Variants in DTX2 observed in about 807,000 individuals in gnomAD.
DTX2 encodes the protein deltex E3 ubiquitin ligase 2.
DTX2 carries 29 observed loss-of-function variants against 55.3 expected under a neutral mutation model. That is an observed-to-expected ratio of 0.52 (90% CI 0.39 to 0.71). The LOEUF (loss-of-function observed/expected upper bound fraction) is 0.71. Among genes scored for constraint, DTX2 ranks in the 30% least tolerant of loss-of-function variants. The pLI is 0.00. For missense variants in DTX2, 537 were observed against 822.5 expected (o/e 0.65, Z 4.25); for synonymous variants, 276 against 340.4 (o/e 0.81, Z 2.08).
intron 2 of DTX2, chr7:76,470,027 T>C (rs1417955288): frequency 3.8e-5 from 7 of 183,350 alleles, no homozygotes; most frequent in African/African-American, 1.5e-4. Flanking sequence ...TATTCATTTA[T>C]TTATTTATTT....
intron 4 of DTX2, among the ~76,000 whole-genome samples, chr7:76,489,874 A>G (rs1810238071): frequency 7.2e-6 from 1 of 139,502 alleles, no homozygotes; most frequent in Non-Finnish European, 1.6e-5. Flanking sequence ...TGTAGGGAAC[A>G]AAACCCTCAT....
intron 4 of DTX2, among the ~76,000 whole-genome samples, chr7:76,491,221 C>T (rs1810396758): frequency 1.3e-5 from 2 of 151,514 alleles, no homozygotes; most frequent in Non-Finnish European, 2.9e-5. Context: ...TGGTCTTGAA[C>T]TCCTGACCTC....
intron 2 of DTX2, among the ~76,000 whole-genome samples, chr7:76,469,588 T>C (rs892535001): frequency 4.7e-5 from 7 of 149,394 alleles, no homozygotes; most frequent in Non-Finnish European, 1.0e-4. Context: ...AGAGACAGGG[T>C]TTCACTGCAT....
chr7:76,469,500 C>G (rs1326028556), intron 2 of DTX2, among the ~76,000 whole-genome samples: 1 of 145,562 alleles, frequency 6.9e-6, no homozygotes, highest in Admixed American at 7.1e-5. Context: ...TCAAGCAATT[C>G]TCCTGCCTCA....
At chr7:76,499,130 A>T in intron 6 of DTX2, among the ~76,000 whole-genome samples, 1 of 2,294 alleles carries the variant, frequency 4.4e-4, no homozygotes, top group Non-Finnish European at 6.8e-4. Context: ...TGTGGGGTGT[A>T]TGGAGGTGTA....
Position 76,505,723 on chromosome 7 carries a change from C to T in DTX2, c.*122C>T, listed in dbSNP as rs1287678280. 6 of 1,072,352 alleles carry T rather than the reference C, an allele frequency of 5.6e-6. No homozygotes were observed. In the African/African-American group the frequency reaches 9.5e-5, roughly 17 times the overall value. The allele number at this position is 1,072,352 out of a possible 1,614,324, so 66.4% of individuals were successfully genotyped here. On this transcript the variant is annotated 3_prime_UTR_variant, in exon 11 of 11. Coordinates refer to ENST00000430490, the MANE Select transcript of DTX2 (RefSeq NM_001102594.3). This position sits in a 1 kb window ranked among gnomAD's most constrained non-coding sequence, Gnocchi z 4.4. ...GGTTTGTTGAGGGTGTGGGGTGTGC[C>T]CCACCTGAAGCCGGGGCTCCCCCTG...
At position 76,480,746 on chromosome 7, in the gene DTX2, C is replaced by T. The variant is rs1175510820; in HGVS notation, c.237C>T (p.Leu79=). 1.2e-6 allele frequency: 2 copies of T among 1,610,898 alleles called. No individual in the cohort carries two copies. Among genetic ancestry groups the T allele is most frequent in the South Asian group, 1.1e-5 (1 of 90,864 alleles). The change falls in exon 3 of 11, where the codon CTC becomes CTT. Residue 79 remains leucine (L), a synonymous_variant. Coordinates refer to ENST00000430490, the MANE Select transcript of DTX2 (RefSeq NM_001102594.3). Reference sequence around the variant, plus strand: ...CGCTGGCCCCTTACATTATTGACCTCCCCAGCTGGACCCAGTTCCGCCAGG... The same window carrying T: ...CGCTGGCCCCTTACATTATTGACCTTCCCAGCTGGACCCAGTTCCGCCAGG... ...DPSLAPYIID[L]PSWTQFRQDT...
At chr7:76,481,908 GGCTGGTCTTCAACTCCT>G (rs1809271970) in intron 3 of DTX2, among the ~76,000 whole-genome samples, 1 of 151,002 alleles carries the variant, frequency 6.6e-6, no homozygotes, top group African/African-American at 2.4e-5. Context: ...GTGTTGCCCA[GGCTGGTCTTCAACTCCT>G]GAGCTCAAGT....
Position 76,497,409 on chromosome 7 carries a change from CT to C in DTX2, c.1083del (p.Ala363ProfsTer15), listed in dbSNP as rs748984492. ...CLSRAPQPTS[P>X]PASRLASKSH... ...AGCCGCGCACCCCAGCCCACCAGCC[CT>C]CCCGCCTCCCGTCTGGCTTCCAAAA... On this transcript the variant is annotated frameshift_variant, in exon 6 of 11. Transcript: ENST00000430490. LOFTEE classifies it high-confidence loss of function. 1.9e-5 allele frequency: 30 copies of C among 1,585,960 alleles called. No homozygotes were observed. The South Asian group carries it at 3.4e-4, about 18-fold the overall frequency.
chr7:76,479,838 T>C (rs533790316), intron 2 of DTX2, among the ~76,000 whole-genome samples: 2 of 149,854 alleles, frequency 1.3e-5, no homozygotes, highest in South Asian at 4.3e-4. Flanking sequence ...GAATTATCAG[T>C]AGCAAGAAAG....
At chr7:76,469,360 A>ATAT (rs1554631123) in intron 2 of DTX2, among the ~76,000 whole-genome samples, 1,053 of 81,306 alleles carry the variant, frequency 0.013, 8 homozygotes, top group African/African-American at 0.035. Flanking sequence ...TGAAATCTAG[A>ATAT]TTTTTTTTTT....
intron 5 of DTX2, among the ~76,000 whole-genome samples, chr7:76,495,455 G>T (rs1810828972): frequency 6.6e-6 from 1 of 152,192 alleles, no homozygotes. Context: ...TTTGGGGGCT[G>T]TCAGGAGTTT....
chr7:76,481,762 T>G (rs1809246910), intron 3 of DTX2, among the ~76,000 whole-genome samples: 1 of 151,730 alleles, frequency 6.6e-6, no homozygotes, highest in Non-Finnish European at 1.5e-5. Flanking sequence ...GTGTCACCAG[T>G]GAGGAAACTT....
chr7:76,502,259 C>T (rs764703677), intron 7 of DTX2, 39 bp from the exon 8 acceptor site: 1 of 1,572,802 alleles, frequency 6.4e-7, no homozygotes, highest in African/African-American at 1.3e-5. Context: ...CAGCCCAGCC[C>T]ACTGTTGGCG....
chr7:76,472,493 A>AT (rs1808046347), intron 2 of DTX2, among the ~76,000 whole-genome samples: 1 of 146,252 alleles, frequency 6.8e-6, no homozygotes, highest in South Asian at 2.3e-4. Context: ...TGCCCAGCTA[A>AT]TTTTTGTATT....
chr7:76,502,500 C>G, intron 8 of DTX2, 44 bp downstream of exon 8: 5 of 1,589,164 alleles, frequency 3.1e-6, no homozygotes, highest in Non-Finnish European at 4.3e-6. Context: ...CCCGCCCCCA[C>G]AGTCCTGAGC....
chr7:76,483,284 G>A lies in DTX2; in HGVS notation c.908+137G>A, dbSNP rs2116405743. Reference sequence around the variant, plus strand: ...GTGGCATCTCATTTGCATGTGGCATGTGGGTGCCGAGGTGCCGTGGCCATC... The same window carrying A: ...GTGGCATCTCATTTGCATGTGGCATATGGGTGCCGAGGTGCCGTGGCCATC... On this transcript the variant is annotated intron_variant, in intron 4 of 10. Coordinates refer to ENST00000430490, the MANE Select transcript of DTX2 (RefSeq NM_001102594.3). 5.1e-6 allele frequency: 6 copies of A among 1,174,848 alleles called. No homozygotes were observed. The South Asian group carries it at 9.6e-5, about 19-fold the overall frequency. 72.8% of individuals were successfully genotyped at this position (1,174,848 alleles called of 1,614,324 possible). A position where few individuals can be genotyped will look rare whatever the true frequency, so the allele number is the denominator to read the frequency against.
intron 9 of DTX2, 35 bp downstream of exon 9, chr7:76,503,622 A>ACC (rs1297375837): frequency 6.3e-7 from 1 of 1,579,010 alleles, no homozygotes; most frequent in African/African-American, 1.3e-5. Flanking sequence ...ACTCCTGGCC[A>ACC]CTCCTCTTCC....
rs755816487 is a variant in DTX2 at position 76,503,410 on chromosome 7, C to T, written c.1390-16C>T. The T allele has an allele frequency of 1.1e-5, 18 of 1,609,920 alleles. No homozygotes were observed. Among genetic ancestry groups the T allele is most frequent in the South Asian group, 1.1e-4 (10 of 90,772 alleles). On this transcript the variant is annotated splice_polypyrimidine_tract_variant and intron_variant, in intron 8 of 10. Coordinates refer to ENST00000430490, the MANE Select transcript of DTX2 (RefSeq NM_001102594.3). ...CTCAGACTGCCAGCTCAGTGGGTTG[C>T]GTCTGCCTCTGTCAGGATGGAAGTC...
Sources: gnomAD v4.1 joint callset for allele counts (sites outside exome capture counted in the v4.1 genomes callset) on GRCh38, gnomAD v4.1.1 for gene constraint, Gnocchi (gnomAD v3.1) non-coding constraint, MANE v1.5 for transcripts, NCBI Gene and HGNC (gene_info 2026-07-23, HGNC 2026-07-21) for gene names.